Variants in SLC39A11 observed in about 807,000 individuals in gnomAD.
The protein encoded by SLC39A11 is solute carrier family 39 member 11, also known as zinc transporter ZIP11.
SLC39A11 carries 33 observed loss-of-function variants against 36.1 expected under a neutral mutation model. The observed-to-expected ratio is 0.91, with a 90% CI of 0.69 to 1.22. The LOEUF (loss-of-function observed/expected upper bound fraction) is 1.22, where lower values mean the gene tolerates loss of function less well. Among genes scored for constraint, SLC39A11 ranks in the 50% most tolerant of loss-of-function variants. The pLI is 0.00. For missense variants in SLC39A11, 432 were observed against 430.3 expected, an observed-to-expected ratio of 1.00 and a Z score of -0.03; for synonymous variants, 166 against 170.3, an observed-to-expected ratio of 0.97 and a Z score of 0.20.
At chr17:72,969,246 T>C (rs747261873) in intron 4 of SLC39A11, among the ~76,000 whole-genome samples, 17 of 152,002 alleles carry the variant, frequency 1.1e-4, no homozygotes, top group African/African-American at 3.1e-4. Flanking sequence ...GCCAGCTTCA[T>C]TGGCAGCAGC....
chr17:72,907,608 A>G (rs1294902122), intron 5 of SLC39A11, among the ~76,000 whole-genome samples: 2 of 152,196 alleles, frequency 1.3e-5, no homozygotes, highest in Non-Finnish European at 2.9e-5. Flanking sequence ...CCTGCCTCAC[A>G]GAAGTTCTGA....
intron 5 of SLC39A11, among the ~76,000 whole-genome samples, chr17:72,860,664 T>A (rs763737447): frequency 6.6e-6 from 1 of 152,188 alleles, no homozygotes; most frequent in Non-Finnish European, 1.5e-5. Flanking sequence ...CTTTTCTTAC[T>A]TCTTCAGGAT....
At chr17:73,047,739 G>A (rs1344022140) in intron 3 of SLC39A11, among the ~76,000 whole-genome samples, 3 of 151,538 alleles carry the variant, frequency 2.0e-5, no homozygotes, top group South Asian at 4.2e-4. Context: ...AGGCTGAAGC[G>A]GGCAGATCAC....
At chr17:73,030,330 G>C (rs954920469) in intron 4 of SLC39A11, among the ~76,000 whole-genome samples, 2 of 152,166 alleles carry the variant, frequency 1.3e-5, no homozygotes, top group African/African-American at 4.8e-5. Context: ...CTGATCCAAA[G>C]GACAGTTCTT....
intron 5 of SLC39A11, among the ~76,000 whole-genome samples, chr17:72,924,871 G>A (rs757578300): frequency 7.9e-5 from 12 of 151,962 alleles, no homozygotes; most frequent in African/African-American, 1.5e-4. Context: ...GCATGGTGGC[G>A]TGCACCTGTA....
chr17:72,858,441 A>G (rs1197356946), intron 5 of SLC39A11, among the ~76,000 whole-genome samples: 1 of 152,036 alleles, frequency 6.6e-6, no homozygotes. Flanking sequence ...TTTGCTTAGG[A>G]TTGTTTTGGC....
chr17:72,891,188 A>G (rs2081723450), intron 5 of SLC39A11, among the ~76,000 whole-genome samples: 1 of 152,082 alleles, frequency 6.6e-6, no homozygotes, highest in Non-Finnish European at 1.5e-5. Flanking sequence ...TTGGGAGGCC[A>G]AGGTGAGTGG....
At chr17:72,989,093 A>T (rs1482415265) in intron 4 of SLC39A11, among the ~76,000 whole-genome samples, 2 of 152,226 alleles carry the variant, frequency 1.3e-5, no homozygotes, top group African/African-American at 4.8e-5. Flanking sequence ...CTTCACAACA[A>T]TGTGAACGTA....
rs1055863213 is a variant in SLC39A11, at chr17:72,721,746, G to A, written c.671+14904C>T. Among the ~76,000 whole-genome samples the A allele has an allele frequency of 2.6e-5, 4 of 152,152 alleles. 1 individual carries two copies. In the South Asian group the frequency reaches 8.3e-4, roughly 32 times the overall value. On this transcript the variant is annotated intron_variant, in intron 7 of 9. Transcript: ENST00000255559. ...GCACTTTGGGAGGACGAGGCAGGCAGATCACTTGAGTTCAGGAGTTTGAGA... is the reference window on the plus strand; with the variant it reads ...GCACTTTGGGAGGACGAGGCAGGCAAATCACTTGAGTTCAGGAGTTTGAGA...
chr17:72,936,382 G>T (rs539236557), intron 5 of SLC39A11, among the ~76,000 whole-genome samples: 1 of 124,120 alleles, frequency 8.1e-6, no homozygotes, highest in Non-Finnish European at 1.6e-5. Flanking sequence ...ATAACTACAG[G>T]TTATGGCAGT....
At chr17:72,732,057 T>TTTTTC in intron 7 of SLC39A11, among the ~76,000 whole-genome samples, 1 of 117,742 alleles carries the variant, frequency 8.5e-6, no homozygotes, top group Non-Finnish European at 1.8e-5. Context: ...TTTTTTTTTT[T>TTTTTC]TTTTTTTTTG....
At chr17:72,689,021 T>C (rs998949641) in intron 7 of SLC39A11, among the ~76,000 whole-genome samples, 6 of 152,152 alleles carry the variant, frequency 3.9e-5, no homozygotes, top group African/African-American at 1.4e-4. Flanking sequence ...AGGGCCCCTC[T>C]TGGAGCAGGT....
intron 5 of SLC39A11, among the ~76,000 whole-genome samples, chr17:72,937,213 G>A (rs891266652): frequency 1.3e-5 from 2 of 152,202 alleles, no homozygotes; most frequent in African/African-American, 4.8e-5. Flanking sequence ...GGCCGAGGCG[G>A]GTGGATCGCC....
At chr17:73,035,855 C>T (rs2058892975) in intron 3 of SLC39A11, among the ~76,000 whole-genome samples, 1 of 103,624 alleles carries the variant, frequency 9.7e-6, no homozygotes, top group Non-Finnish European at 1.9e-5. Flanking sequence ...CAGAGCGACA[C>T]TCCATCTCAA....
intron 7 of SLC39A11, chr17:72,663,978 C>G (rs556324317): frequency 6.5e-6 from 1 of 154,440 alleles, no homozygotes; most frequent in Non-Finnish European, 1.5e-5. Flanking sequence ...GACCGAAGAC[C>G]GGTCCTCCTC....
intron 7 of SLC39A11, among the ~76,000 whole-genome samples, chr17:72,650,127 G>A (rs78847726): frequency 0.011 from 1,645 of 152,340 alleles, 39 homozygotes; most frequent in African/African-American, 0.038. Flanking sequence ...CCACAGATCT[G>A]GCTCTGGGCT....
intron 5 of SLC39A11, among the ~76,000 whole-genome samples, chr17:72,934,732 T>C (rs577184063): frequency 6.6e-6 from 1 of 152,212 alleles, no homozygotes; most frequent in African/African-American, 2.4e-5. Flanking sequence ...GCAAAAGATT[T>C]TGACACCAAA....
At chr17:72,690,004 G>T (rs1318636540) in intron 7 of SLC39A11, among the ~76,000 whole-genome samples, 3 of 152,216 alleles carry the variant, frequency 2.0e-5, no homozygotes, top group Admixed American at 2.0e-4. Context: ...GCTGTGTGAG[G>T]GGATCATACA....
chr17:72,837,057 C>T (rs963342102), intron 6 of SLC39A11, among the ~76,000 whole-genome samples: 5 of 152,174 alleles, frequency 3.3e-5, no homozygotes, highest in African/African-American at 4.8e-5. Flanking sequence ...GCCCTGGTCT[C>T]GCACTGCTGC....
Sources: allele counts gnomAD v4.1 joint callset (sites outside exome capture counted in the v4.1 genomes callset), GRCh38; gene constraint gnomAD v4.1.1; transcripts MANE v1.5; gene names NCBI Gene and HGNC (gene_info 2026-07-23, HGNC 2026-07-21).